NDUFS4: variants seen among roughly 807,000 people sequenced by gnomAD.
The protein encoded by NDUFS4 is NADH:ubiquinone oxidoreductase subunit S4.
A neutral mutation model predicts 24.3 loss-of-function variants in NDUFS4; 28 were observed. That is an observed-to-expected ratio of 1.15 (90% CI 0.85 to 1.58). The LOEUF (loss-of-function observed/expected upper bound fraction) is 1.58. Ranked by LOEUF, NDUFS4 falls within the 40% of genes most tolerant of loss-of-function variation. The probability of loss-of-function intolerance (pLI) is 0.00; values close to 1 mark genes in which losing one functional copy is unlikely to be tolerated. For synonymous variants in NDUFS4, 93 were observed against 69.7 expected, an observed-to-expected ratio of 1.34 and a Z score of -1.67; for missense variants, 223 against 207.9, an observed-to-expected ratio of 1.07 and a Z score of -0.45.
intron 2 of NDUFS4, among the ~76,000 whole-genome samples, chr5:53,631,874 G>A (rs1480174369): frequency 8.5e-5 from 13 of 152,162 alleles, no homozygotes; most frequent in Admixed American, 7.9e-4. Flanking sequence ...TGCCGATTGC[G>A]AAGACCATGG....
chr5:53,662,835 A>C (rs1210501240), intron 4 of NDUFS4, among the ~76,000 whole-genome samples: 1 of 151,800 alleles, frequency 6.6e-6, no homozygotes, highest in Non-Finnish European at 1.5e-5. Flanking sequence ...TTCTGCCCTG[A>C]TCTTAGTTAT....
chr5:53,675,308 G>A (rs1258461015), intron 4 of NDUFS4, among the ~76,000 whole-genome samples: 5 of 151,690 alleles, frequency 3.3e-5, no homozygotes, highest in South Asian at 2.1e-4. Context: ...GACTACAGGC[G>A]CCCGCCACCA....
chr5:53,603,267 A>G (rs928550686), intron 1 of NDUFS4, among the ~76,000 whole-genome samples, 185 bp from the exon 2 acceptor site: 12 of 152,132 alleles, frequency 7.9e-5, no homozygotes, highest in African/African-American at 2.9e-4. Context: ...GAGTCTGCCA[A>G]AAACTCAGCA....
At chr5:53,585,253 G>A (rs181777518) in intron 1 of NDUFS4, among the ~76,000 whole-genome samples, 14 of 152,190 alleles carry the variant, frequency 9.2e-5, no homozygotes, top group Admixed American at 6.5e-4. Context: ...AGGCTTTTAG[G>A]TAACTATTCA....
rs140649121 is a variant in NDUFS4, at chr5:53,620,240, A to C, written c.177+16710A>C. ...ACTTTAGAGATATGGCTTTATTTTT[A>C]ATATACATGGCCTAGTTCTGTGGAT... On this transcript the variant is annotated intron_variant, in intron 2 of 4. Coordinates refer to ENST00000296684, the MANE Select transcript of NDUFS4 (RefSeq NM_002495.4). Among the ~76,000 whole-genome samples, 60 of 152,292 alleles carry C rather than the reference A, an allele frequency of 3.9e-4. 1 individual carries two copies. The highest frequency in any genetic ancestry group is 1.4e-3 in the African/African-American group (57 of 41,576).
chr5:53,616,642 T>A (rs1406104562), intron 2 of NDUFS4, among the ~76,000 whole-genome samples: 2 of 152,000 alleles, frequency 1.3e-5, no homozygotes, highest in Admixed American at 1.3e-4. Context: ...TGATATAAAA[T>A]GAGATCAGAG....
intron 2 of NDUFS4, among the ~76,000 whole-genome samples, chr5:53,612,868 T>G (rs930795544): frequency 1.3e-5 from 2 of 152,098 alleles, no homozygotes; most frequent in African/African-American, 4.8e-5. Context: ...TCTAAGAAGT[T>G]TGTAAAATTG....
intron 2 of NDUFS4, among the ~76,000 whole-genome samples, chr5:53,630,638 A>G (rs561956065): frequency 1.1e-4 from 17 of 152,022 alleles, no homozygotes; most frequent in Admixed American, 9.8e-4. Flanking sequence ...TTCATCTTCA[A>G]TCACTGATAT....
intron 1 of NDUFS4, among the ~76,000 whole-genome samples, chr5:53,580,000 A>AG (rs1419997991): frequency 3.3e-5 from 5 of 152,196 alleles, no homozygotes; most frequent in African/African-American, 1.2e-4. Flanking sequence ...TAGCCCTGTG[A>AG]GACTGATTTC....
At chr5:53,665,654 C>T (rs550647266) in intron 4 of NDUFS4, among the ~76,000 whole-genome samples, 2 of 152,300 alleles carry the variant, frequency 1.3e-5, no homozygotes, top group African/African-American at 4.8e-5. Flanking sequence ...CCTGGTGTGC[C>T]GTTTGCTAAG....
chr5:53,668,616 ATTTTTTTTTTTT>A (rs951595795), intron 4 of NDUFS4, among the ~76,000 whole-genome samples: 1 of 132,342 alleles, frequency 7.6e-6, no homozygotes, highest in African/African-American at 2.8e-5. Context: ...TGTCCAGCTA[ATTTTTTTTTTTT>A]TTTTTTTTTT....
chr5:53,658,941 A>G lies in NDUFS4; in HGVS notation c.424+317A>G, dbSNP rs371112230. ...ATTACTAACATTTTGTTGAACTTCA[A>G]TTGAACATATATGGCAGCCTATTCT... On this transcript the variant is annotated intron_variant, in intron 4 of 4. Coordinates refer to ENST00000296684, the MANE Select transcript of NDUFS4 (RefSeq NM_002495.4). Among the ~76,000 whole-genome samples the G allele has an allele frequency of 4.6e-5, 7 of 152,292 alleles. No homozygotes were observed. In the East Asian group the frequency reaches 5.8e-4, roughly 13 times the overall value.
chr5:53,616,524 C>G (rs786334), intron 2 of NDUFS4, among the ~76,000 whole-genome samples: 39,770 of 151,714 alleles, frequency 0.26, 6,568 homozygotes, highest in East Asian at 0.47. Flanking sequence ...GTGTGAGTAT[C>G]TAAGGTAAGA....
chr5:53,579,639 C>T (rs1386353746), intron 1 of NDUFS4, among the ~76,000 whole-genome samples: 1 of 152,168 alleles, frequency 6.6e-6, no homozygotes, highest in Non-Finnish European at 1.5e-5. Context: ...TTGCTTGAGC[C>T]TAGAAGTTCG....
At chr5:53,650,713 C>G (rs1751991440) in intron 3 of NDUFS4, among the ~76,000 whole-genome samples, 1 of 152,162 alleles carries the variant, frequency 6.6e-6, no homozygotes, top group African/African-American at 2.4e-5. Flanking sequence ...AGAGACCTTC[C>G]TGCTTCTGCT....
intron 1 of NDUFS4, among the ~76,000 whole-genome samples, chr5:53,568,406 A>G (rs1749108418): frequency 6.6e-6 from 1 of 152,158 alleles, no homozygotes; most frequent in African/African-American, 2.4e-5. Flanking sequence ...TCCATATTAT[A>G]TCTTGTAAGA....
chr5:53,615,115 G>A (rs1376687482), intron 2 of NDUFS4, among the ~76,000 whole-genome samples: 1 of 151,648 alleles, frequency 6.6e-6, no homozygotes, highest in African/African-American at 2.4e-5. Flanking sequence ...ATTTGAATTT[G>A]GTTTTGGGTT....
At chr5:53,658,172 A>T (rs2112521366) in intron 3 of NDUFS4, among the ~76,000 whole-genome samples, 1 of 152,224 alleles carries the variant, frequency 6.6e-6, no homozygotes, top group Admixed American at 6.5e-5. Context: ...GTATTGTTGC[A>T]TTTTCTTGAG....
chr5:53,672,682 A>G (rs1448258445), intron 4 of NDUFS4, among the ~76,000 whole-genome samples: 2 of 152,092 alleles, frequency 1.3e-5, no homozygotes, highest in African/African-American at 2.4e-5. Flanking sequence ...ACAAAATAAC[A>G]TTGGTATGAT....
Sources: gnomAD v4.1 joint callset for allele counts (sites outside exome capture counted in the v4.1 genomes callset) on GRCh38, gnomAD v4.1.1 for gene constraint, MANE v1.5 for transcripts, NCBI Gene and HGNC (gene_info 2026-07-23, HGNC 2026-07-21) for gene names.